FSTL5: variants seen among roughly 807,000 people sequenced by gnomAD.
The protein encoded by FSTL5 is follistatin like 5.
In FSTL5, 62 loss-of-function variants were observed where a neutral mutation model predicts 89.1. That is an observed-to-expected ratio of 0.70 (90% CI 0.57 to 0.86). The LOEUF (loss-of-function observed/expected upper bound fraction) is 0.86. FSTL5 is among the 40% of genes least tolerant of loss of function. FSTL5 has a pLI of 0.00. For synonymous variants in FSTL5, 383 were observed against 346.2 expected, an observed-to-expected ratio of 1.11 and a Z score of -1.18; for missense variants, 1,057 against 1,001.6, an observed-to-expected ratio of 1.06 and a Z score of -0.75.
At chr4:161,442,015 TA>T (rs1397825664) in intron 15 of FSTL5, among the ~76,000 whole-genome samples, 1 of 152,060 alleles carries the variant, frequency 6.6e-6, no homozygotes, top group African/African-American at 2.4e-5. Flanking sequence ...CTTAACCAAC[TA>T]ATTTATAGTT....
At chr4:161,459,548 T>C (rs533959687) in intron 13 of FSTL5, among the ~76,000 whole-genome samples, 95 of 152,282 alleles carry the variant, frequency 6.2e-4, no homozygotes, top group African/African-American at 2.2e-3. Context: ...TATACAATTA[T>C]GATCACAATT....
At chr4:161,854,314 T>C (rs567109836) in intron 4 of FSTL5, among the ~76,000 whole-genome samples, 7 of 152,288 alleles carry the variant, frequency 4.6e-5, no homozygotes, top group African/African-American at 1.7e-4. Flanking sequence ...TGCCATGCAA[T>C]GAGTCCTCCA....
intron 3 of FSTL5, among the ~76,000 whole-genome samples, chr4:161,952,827 T>C (rs888030728): frequency 1.3e-5 from 2 of 151,902 alleles, no homozygotes; most frequent in Admixed American, 1.3e-4. Flanking sequence ...ATTATCATTA[T>C]GTAACTCAAC....
chr4:161,623,948 G>A (rs1486953640), intron 7 of FSTL5, among the ~76,000 whole-genome samples: 1 of 151,838 alleles, frequency 6.6e-6, no homozygotes, highest in Admixed American at 6.6e-5. Flanking sequence ...AATTTATATA[G>A]TTCTTAGCAG....
At chr4:161,790,998 T>TTG (rs3047002) in intron 4 of FSTL5, among the ~76,000 whole-genome samples, 150,321 of 152,228 alleles carry the variant, frequency 0.99, 74,240 homozygotes, top group East Asian at 1. Flanking sequence ...TTTTGAAAGA[T>TTG]CTAGATCTAG....
chr4:162,058,317 G>T (rs1359300913), intron 2 of FSTL5, among the ~76,000 whole-genome samples: 3 of 151,826 alleles, frequency 2.0e-5, no homozygotes, highest in Admixed American at 6.6e-5. Flanking sequence ...GGCCATATAG[G>T]AAAGCAAGGA....
rs1473411642 is a variant in FSTL5, at chr4:161,385,652, G to T, written c.*95C>A. The T allele has an allele frequency of 2.1e-6, 2 of 942,094 alleles. No homozygotes were observed. The allele number at this position is 942,094 out of a possible 1,614,324, so 58.4% of individuals were successfully genotyped here. On this transcript the variant is annotated 3_prime_UTR_variant, in exon 16 of 16. Coordinates refer to ENST00000306100, the MANE Select transcript of FSTL5 (RefSeq NM_020116.5). ...AACCAAGTAAATTTTGTTTGACTAG[G>T]ATATAAACTTGGAAAGTTAAGTTGT...
At chr4:161,735,961 A>C (rs1256318165) in intron 6 of FSTL5, among the ~76,000 whole-genome samples, 1 of 152,164 alleles carries the variant, frequency 6.6e-6, no homozygotes, top group Non-Finnish European at 1.5e-5. Context: ...GGGAAGAGAA[A>C]AAAGAGAAGA....
chr4:161,450,154 C>T (rs1733111489), intron 15 of FSTL5, among the ~76,000 whole-genome samples: 1 of 152,124 alleles, frequency 6.6e-6, no homozygotes, highest in Non-Finnish European at 1.5e-5. Flanking sequence ...TTACTCATTG[C>T]TTAATGTCTG....
chr4:161,813,270 C>G (rs2872575), intron 4 of FSTL5, among the ~76,000 whole-genome samples: 1 of 151,824 alleles, frequency 6.6e-6, no homozygotes, highest in Non-Finnish European at 1.5e-5. Context: ...ACCTCGTGAT[C>G]TGCCCGCCTT....
intron 8 of FSTL5, among the ~76,000 whole-genome samples, chr4:161,551,591 C>T (rs1007897021): frequency 6.9e-4 from 105 of 151,928 alleles, no homozygotes; most frequent in Non-Finnish European, 1.4e-3. Flanking sequence ...AACTATACTA[C>T]AAGGCTACAG....
intron 3 of FSTL5, among the ~76,000 whole-genome samples, chr4:162,030,503 T>C (rs1737479611): frequency 6.6e-6 from 1 of 152,110 alleles, no homozygotes; most frequent in Admixed American, 6.6e-5. Flanking sequence ...TTATCACTTC[T>C]GAATGCATAA....
chr4:162,081,931 A>G (rs775467481), intron 2 of FSTL5, among the ~76,000 whole-genome samples: 25 of 151,744 alleles, frequency 1.6e-4, no homozygotes, highest in Admixed American at 4.0e-4. Context: ...AAAACATCTT[A>G]AACAAGTGAC....
At chr4:161,717,343 T>G (rs1739021965) in intron 6 of FSTL5, among the ~76,000 whole-genome samples, 1 of 152,162 alleles carries the variant, frequency 6.6e-6, no homozygotes, top group African/African-American at 2.4e-5. Flanking sequence ...TCTTTTTCAT[T>G]AGGTGAAACT....
intron 2 of FSTL5, among the ~76,000 whole-genome samples, chr4:162,044,562 C>T (rs569419810): frequency 6.6e-6 from 1 of 152,138 alleles, no homozygotes; most frequent in East Asian, 1.9e-4. Flanking sequence ...TAGCCCCTAA[C>T]AAGAGAGTGA....
intron 6 of FSTL5, among the ~76,000 whole-genome samples, chr4:161,744,379 T>C (rs1434615): frequency 0.54 from 82,503 of 152,026 alleles, 26,325 homozygotes; most frequent in Non-Finnish European, 0.71. Flanking sequence ...CCTCACATTG[T>C]TATGATGTTG....
chr4:161,579,731 C>CAAAAAAAAAAA (rs33926609), intron 8 of FSTL5, among the ~76,000 whole-genome samples: 3 of 98,796 alleles, frequency 3.0e-5, no homozygotes, highest in East Asian at 5.3e-4. Context: ...CAAAAACAAA[C>CAAAAAAAAAAA]AAAAAAAAAA....
At chr4:161,770,482 T>C (rs746950705) in intron 5 of FSTL5, among the ~76,000 whole-genome samples, 3 of 151,942 alleles carry the variant, frequency 2.0e-5, no homozygotes, top group Admixed American at 6.6e-5. Context: ...ATACCTACTA[T>C]GTACTCATAA....
At chr4:161,441,530 G>T (rs1006032221) in intron 15 of FSTL5, among the ~76,000 whole-genome samples, 1 of 152,004 alleles carries the variant, frequency 6.6e-6, no homozygotes, top group Non-Finnish European at 1.5e-5. Context: ...AAACTGAGAA[G>T]CCTAATGAAA....
Sources: allele counts gnomAD v4.1 joint callset (sites outside exome capture counted in the v4.1 genomes callset), GRCh38; gene constraint gnomAD v4.1.1; transcripts MANE v1.5; gene names NCBI Gene and HGNC (gene_info 2026-07-23, HGNC 2026-07-21).